The following GLI2 variants were observed in gnomAD, a reference collection of about 807,000 sequenced individuals.
GLI2 encodes transcription activator GLI2.
In GLI2, 22 loss-of-function variants were observed where a neutral mutation model predicts 78.9. That is an observed-to-expected ratio of 0.28 (90% confidence interval 0.20 to 0.40). The LOEUF is 0.40. GLI2 is among the 10% of genes least tolerant of loss of function. GLI2 has a pLI of 1.00. For missense variants in GLI2, 2,097 were observed against 2,213.2 expected (o/e 0.95, Z 1.05); for synonymous variants, 974 against 963.7 (o/e 1.01, Z -0.20).
At chr2:120,825,718 C>G (rs1686024680) in intron 2 of GLI2, among the ~76,000 whole-genome samples, 2 of 152,260 alleles carry the variant, frequency 1.3e-5, no homozygotes, top group South Asian at 4.1e-4. Context: ...TCCAGGAAAG[C>G]TGCCTTGATG....
intron 1 of GLI2, among the ~76,000 whole-genome samples, chr2:120,790,715 C>A (rs1313724357): frequency 1.3e-5 from 2 of 152,196 alleles, no homozygotes; most frequent in Non-Finnish European, 2.9e-5. Context: ...TGGGGCTCTG[C>A]AGAGCTGTTA....
intron 1 of GLI2, among the ~76,000 whole-genome samples, chr2:120,775,362 T>C (rs1308814873): frequency 2.0e-5 from 3 of 152,230 alleles, no homozygotes; most frequent in Non-Finnish European, 2.9e-5. Flanking sequence ...GCGTGTGTTA[T>C]TTATGTAGCC....
chr2:120,910,129 C>T (rs976607509), intron 2 of GLI2, among the ~76,000 whole-genome samples: 4 of 152,146 alleles, frequency 2.6e-5, no homozygotes, highest in African/African-American at 9.7e-5. Flanking sequence ...GCTGTCATGT[C>T]CCAACCTTGA....
At chr2:120,818,117 C>T (rs1685589108) in intron 2 of GLI2, among the ~76,000 whole-genome samples, 1 of 152,232 alleles carries the variant, frequency 6.6e-6, no homozygotes, top group African/African-American at 2.4e-5. Context: ...TTGAGGTTCA[C>T]AGCTGCCTGA....
At chr2:120,748,820 A>C (rs1243105512) in intron 1 of GLI2, among the ~76,000 whole-genome samples, 1 of 152,128 alleles carries the variant, frequency 6.6e-6, no homozygotes, top group Non-Finnish European at 1.5e-5. Flanking sequence ...TCAAGATTAT[A>C]GGTTGAGATT....
At chr2:120,935,726 A>G (rs1680166664) in intron 3 of GLI2, among the ~76,000 whole-genome samples, 1 of 152,192 alleles carries the variant, frequency 6.6e-6, no homozygotes, top group Admixed American at 6.5e-5. Context: ...ACCCCTTGCT[A>G]AAATCTTCCC....
At chr2:120,919,998 G>C (rs1369549783) in intron 2 of GLI2, among the ~76,000 whole-genome samples, 2 of 152,252 alleles carry the variant, frequency 1.3e-5, no homozygotes. Flanking sequence ...CCCTCCATCA[G>C]TGCTGGGGCA....
chr2:120,807,673 G>A (rs1685024872), intron 2 of GLI2, among the ~76,000 whole-genome samples: 1 of 152,278 alleles, frequency 6.6e-6, no homozygotes, highest in Non-Finnish European at 1.5e-5. Context: ...AAATGAGGCT[G>A]GTTTTGTCAG....
intron 2 of GLI2, among the ~76,000 whole-genome samples, chr2:120,871,978 T>A (rs778365680): frequency 1.1e-4 from 16 of 152,178 alleles, no homozygotes; most frequent in Non-Finnish European, 1.9e-4. Context: ...CCCCGGGGTC[T>A]GGGCATGACA....
At chr2:120,904,636 A>G (rs1678427977) in intron 2 of GLI2, among the ~76,000 whole-genome samples, 1 of 152,200 alleles carries the variant, frequency 6.6e-6, no homozygotes, top group African/African-American at 2.4e-5. Flanking sequence ...GAGGAGGCGC[A>G]GCTGTTCTCA....
At chr2:120,887,290 T>G (rs1475956175) in intron 2 of GLI2, among the ~76,000 whole-genome samples, 1 of 152,232 alleles carries the variant, frequency 6.6e-6, no homozygotes, top group Non-Finnish European at 1.5e-5. Flanking sequence ...AATATGCAGC[T>G]CAGGCGACCT....
At chr2:120,827,275 G>A (rs373518011) in intron 2 of GLI2, among the ~76,000 whole-genome samples, 284 of 152,334 alleles carry the variant, frequency 1.9e-3, no homozygotes, top group Non-Finnish European at 3.3e-3. Context: ...TGAGCCCGGC[G>A]TCTCTAAGTA....
chr2:120,988,519 G>A lies in GLI2; in HGVS notation c.2554G>A (p.Ala852Thr). The A allele has an allele frequency of 1.3e-6, 2 of 1,518,586 alleles. No individual in the cohort carries two copies. Among genetic ancestry groups the A allele is most frequent in the Non-Finnish European group, 8.8e-7 (1 of 1,141,276 alleles). 94.1% of individuals were successfully genotyped at this position (1,518,586 alleles called of 1,614,324 possible). ...GGACGCGTCGCGGCGCTCGAGCGAG[G>A]CCAGCCAGTGCAGCGGCGGCTCCGG... The part of the protein sequence containing the change: ...STDASRRSSE[A>T]SQCSGGSGLL... The change falls in exon 14 of 14, where the codon GCC becomes ACC. Residue 852 changes from alanine (A) to threonine (T), a missense_variant. By Grantham distance (58) the Ala-to-Thr change is moderately conservative (BLOSUM62 0). This residue lies in a region of GLI2 where 1,290 missense variants were observed against 1,261.7 expected (regional missense o/e 1.02). Coordinates refer to ENST00000361492, the MANE Select transcript of GLI2 (RefSeq NM_001374353.1).
At chr2:120,835,071 A>G (rs1399124184) in intron 2 of GLI2, among the ~76,000 whole-genome samples, 1 of 152,162 alleles carries the variant, frequency 6.6e-6, no homozygotes, top group African/African-American at 2.4e-5. Context: ...TGACAAACAC[A>G]CCAAACTGAA....
intron 5 of GLI2, among the ~76,000 whole-genome samples, chr2:120,963,064 C>T (rs1316878694): frequency 2.0e-5 from 3 of 152,092 alleles, no homozygotes; most frequent in Admixed American, 6.5e-5. Flanking sequence ...GCTGAGAGGG[C>T]GCCGAATGCA....
intron 2 of GLI2, among the ~76,000 whole-genome samples, chr2:120,819,448 C>T (rs1685661604): frequency 6.6e-6 from 1 of 152,020 alleles, no homozygotes; most frequent in African/African-American, 2.4e-5. Flanking sequence ...CCATGTTGAC[C>T]AGGCTGGTCT....
At chr2:120,915,117 T>A (rs924045666) in intron 2 of GLI2, among the ~76,000 whole-genome samples, 1 of 152,180 alleles carries the variant, frequency 6.6e-6, no homozygotes, top group Non-Finnish European at 1.5e-5. Flanking sequence ...AGGAGACCAG[T>A]CTCAGAACTC....
intron 8 of GLI2, 105 bp downstream of exon 8, chr2:120,972,168 G>A (rs1682216791): frequency 2.3e-6 from 3 of 1,294,402 alleles, no homozygotes; most frequent in Non-Finnish European, 3.3e-6. Context: ...CTGGCTGCCT[G>A]CATGGATGAA....
At chr2:120,745,929 G>C in intron 1 of GLI2, among the ~76,000 whole-genome samples, 1 of 152,334 alleles carries the variant, frequency 6.6e-6, no homozygotes, top group East Asian at 1.9e-4. Flanking sequence ...TGGGGGCCCC[G>C]TGAGAAGGGA....
Sources: allele counts gnomAD v4.1 joint callset (sites outside exome capture counted in the v4.1 genomes callset), GRCh38; gene constraint gnomAD v4.1.1; regional missense constraint gnomAD v4.1.1; transcripts MANE v1.5; gene names NCBI Gene and HGNC (gene_info 2026-07-23, HGNC 2026-07-21).